The following ELMO1 variants were observed in gnomAD, a reference collection of about 807,000 sequenced individuals.
The protein encoded by ELMO1 is engulfment and cell motility protein 1.
A neutral mutation model predicts 98.9 loss-of-function variants in ELMO1; 26 were observed. The observed-to-expected ratio is 0.26, with a 90% CI of 0.19 to 0.36. The LOEUF is 0.36. ELMO1 is among the 10% of genes least tolerant of loss of function. The probability of loss-of-function intolerance (pLI) is 1.00; values close to 1 mark genes in which losing one functional copy is unlikely to be tolerated. For missense variants in ELMO1, 627 were observed against 935.2 expected (o/e 0.67, Z 4.30); for synonymous variants, 346 against 346.0 (o/e 1.00, Z 0.00).
Position 37,012,391 on chromosome 7 carries a change from C to T in ELMO1, c.1437+908G>A, listed in dbSNP as rs538232462. Among the ~76,000 whole-genome samples, 4 of 152,288 alleles carry T rather than the reference C, an allele frequency of 2.6e-5. No homozygotes were observed. In the South Asian group the frequency reaches 8.3e-4, roughly 32 times the overall value. On this transcript the variant is annotated intron_variant, in intron 16 of 21. Transcript: ENST00000310758. ...TATGCACCAAGCACGCCCATGAAAGCCCCACAGTATGACTGAGGGCCAGAC... is the reference window on the plus strand; with the variant it reads ...TATGCACCAAGCACGCCCATGAAAGTCCCACAGTATGACTGAGGGCCAGAC...
At chr7:37,332,764 G>A (rs956690294) in intron 2 of ELMO1, among the ~76,000 whole-genome samples, 33 of 152,198 alleles carry the variant, frequency 2.2e-4, no homozygotes, top group African/African-American at 7.7e-4. Context: ...AAGAGCTGGG[G>A]GCAGGGGGCC....
chr7:36,860,779 T>C (rs1802567405), intron 21 of ELMO1, among the ~76,000 whole-genome samples: 1 of 152,220 alleles, frequency 6.6e-6, no homozygotes, highest in Non-Finnish European at 1.5e-5. Context: ...CAGAATTATA[T>C]TTAAGCACCG....
intron 14 of ELMO1, among the ~76,000 whole-genome samples, chr7:37,130,486 G>A (rs1196504470): frequency 6.6e-6 from 1 of 152,184 alleles, no homozygotes; most frequent in Non-Finnish European, 1.5e-5. Flanking sequence ...TGGCTGCTGG[G>A]CAAGAGAGGA....
At chr7:37,405,202 AAAC>A (rs1278103845) in intron 1 of ELMO1, among the ~76,000 whole-genome samples, 1 of 145,794 alleles carries the variant, frequency 6.9e-6, no homozygotes, top group African/African-American at 2.5e-5. Context: ...TTCAAGACCA[AAAC>A]AACAACAATG....
At position 37,091,353 on chromosome 7, in the gene ELMO1, C is replaced by T. The variant is rs945460675; in HGVS notation, c.1300+5266G>A. On this transcript the variant is annotated intron_variant, in intron 15 of 21. Coordinates refer to ENST00000310758, the MANE Select transcript of ELMO1 (RefSeq NM_014800.11). ...AACTCCTGACCTCAGGTGATCCACCCGCCTCGGCCGCTGAAAGTGCTGGGA... is the reference window on the plus strand; with the variant it reads ...AACTCCTGACCTCAGGTGATCCACCTGCCTCGGCCGCTGAAAGTGCTGGGA... Among the ~76,000 whole-genome samples the T allele has an allele frequency of 4.6e-5, 7 of 152,202 alleles. No individual in the cohort carries two copies. The East Asian group carries it at 9.7e-4, about 21-fold the overall frequency.
chr7:37,226,236 T>A (rs1333836565), intron 8 of ELMO1, among the ~76,000 whole-genome samples: 1 of 152,182 alleles, frequency 6.6e-6, no homozygotes, highest in Non-Finnish European at 1.5e-5. Context: ...CGAAAAGCTA[T>A]TATTTTAAAA....
At chr7:36,953,003 G>A (rs997350928) in intron 16 of ELMO1, among the ~76,000 whole-genome samples, 3 of 123,302 alleles carry the variant, frequency 2.4e-5, no homozygotes, top group Non-Finnish European at 4.8e-5. Flanking sequence ...ATGGAGTCTC[G>A]CTCTGTCGCC....
chr7:37,415,549 C>A (rs1804178673), intron 1 of ELMO1, among the ~76,000 whole-genome samples: 2 of 152,120 alleles, frequency 1.3e-5, no homozygotes, highest in Admixed American at 1.3e-4. Flanking sequence ...TATGTAAAGT[C>A]TAGCGTGGAT....
intron 13 of ELMO1, among the ~76,000 whole-genome samples, chr7:37,150,701 G>A (rs1255924373): frequency 1.3e-5 from 2 of 152,060 alleles, no homozygotes; most frequent in Non-Finnish European, 2.9e-5. Context: ...GCATAATTAT[G>A]TATTTTTTGA....
At chr7:36,982,881 G>A (rs529443678) in intron 16 of ELMO1, among the ~76,000 whole-genome samples, 6 of 152,266 alleles carry the variant, frequency 3.9e-5, no homozygotes, top group Non-Finnish European at 5.9e-5. Flanking sequence ...CACCCATCCA[G>A]CTCCACATTG....
chr7:36,889,787 G>C (rs1486199546), intron 17 of ELMO1, among the ~76,000 whole-genome samples: 1 of 152,156 alleles, frequency 6.6e-6, no homozygotes, highest in East Asian at 1.9e-4. Context: ...CAGAATAAGA[G>C]AATCTGCTGC....
chr7:37,295,238 A>G (rs553322855), intron 4 of ELMO1, among the ~76,000 whole-genome samples: 1 of 152,232 alleles, frequency 6.6e-6, no homozygotes, highest in African/African-American at 2.4e-5. Flanking sequence ...AGAAAATTTG[A>G]TAGAGTAAGG....
intron 1 of ELMO1, among the ~76,000 whole-genome samples, chr7:37,435,933 A>T (rs903189207): frequency 1.3e-5 from 2 of 152,212 alleles, no homozygotes; most frequent in African/African-American, 4.8e-5. Context: ...AGCTCAACTC[A>T]ACACAATGAT....
At chr7:37,067,401 T>C (rs544403951) in intron 15 of ELMO1, among the ~76,000 whole-genome samples, 5 of 152,350 alleles carry the variant, frequency 3.3e-5, no homozygotes, top group Non-Finnish European at 7.3e-5. Flanking sequence ...TATCTAAACG[T>C]ATGTGCAACA....
At chr7:37,223,030 A>ATGTATG (rs935250321) in intron 9 of ELMO1, among the ~76,000 whole-genome samples, 2 of 152,194 alleles carry the variant, frequency 1.3e-5, no homozygotes, top group Non-Finnish European at 2.9e-5. Context: ...GTCTGTATGT[A>ATGTATG]TGTATGTGTA....
intron 1 of ELMO1, among the ~76,000 whole-genome samples, chr7:37,395,771 C>G (rs1186251645): frequency 6.6e-6 from 1 of 151,710 alleles, no homozygotes; most frequent in Non-Finnish European, 1.5e-5. Context: ...TAAACCACTT[C>G]TCTATATACT....
chr7:37,448,890 G>A, upstream of ELMO1: 1 of 153,304 alleles, frequency 6.5e-6, no homozygotes, highest in Non-Finnish European at 1.5e-5. Context: ...TGCACCGCCG[G>A]CTGCCGCTGC....
At chr7:36,983,066 T>C (rs1234695391) in intron 16 of ELMO1, among the ~76,000 whole-genome samples, 1 of 152,230 alleles carries the variant, frequency 6.6e-6, no homozygotes, top group African/African-American at 2.4e-5. Context: ...TCCTAGTTGT[T>C]CATCACCCTC....
At chr7:37,143,786 C>T (rs1396828027) in intron 13 of ELMO1, among the ~76,000 whole-genome samples, 1 of 145,070 alleles carries the variant, frequency 6.9e-6, no homozygotes, top group Non-Finnish European at 1.5e-5. Flanking sequence ...TCTCGGCTCA[C>T]TGCAGCCTCT....
Sources: allele counts gnomAD v4.1 joint callset (sites outside exome capture counted in the v4.1 genomes callset), GRCh38; gene constraint gnomAD v4.1.1; transcripts MANE v1.5; gene names NCBI Gene and HGNC (gene_info 2026-07-23, HGNC 2026-07-21).